The following STK32A variants were observed in gnomAD, a reference collection of about 807,000 sequenced individuals.
STK32A encodes serine/threonine-protein kinase 32A.
A neutral mutation model predicts 53.2 loss-of-function variants in STK32A; 41 were observed. That is an observed-to-expected ratio of 0.77 (90% CI 0.60 to 1.00). The LOEUF (loss-of-function observed/expected upper bound fraction) is 1.00, where lower values mean the gene tolerates loss of function less well. Ranked by LOEUF, STK32A falls within the 50% of genes least tolerant of loss-of-function variation. STK32A has a pLI of 0.00. For synonymous variants in STK32A, 166 were observed against 162.8 expected (o/e 1.02, Z -0.15); for missense variants, 458 against 485.8 (o/e 0.94, Z 0.54).
intron 5 of STK32A, among the ~76,000 whole-genome samples, chr5:147,331,450 T>C (rs1224813082): frequency 1.3e-5 from 2 of 152,204 alleles, no homozygotes; most frequent in Non-Finnish European, 2.9e-5. Flanking sequence ...ATAGACGCTC[T>C]TACTTTCACT....
At chr5:147,256,288 A>G (rs1247037165) in intron 2 of STK32A, among the ~76,000 whole-genome samples, 1 of 152,180 alleles carries the variant, frequency 6.6e-6, no homozygotes, top group Non-Finnish European at 1.5e-5. Context: ...CCTGCAGGGT[A>G]CCAGACTTCG....
At chr5:147,273,056 C>T (rs1330489074) in intron 2 of STK32A, among the ~76,000 whole-genome samples, 2 of 152,208 alleles carry the variant, frequency 1.3e-5, no homozygotes, top group African/African-American at 4.8e-5. Flanking sequence ...GGCATTCCTG[C>T]CTTACCTTCT....
chr5:147,370,579 C>T, intron 8 of STK32A, 75 bp from the exon 9 acceptor site: 1 of 912,716 alleles, frequency 1.1e-6, no homozygotes, highest in Non-Finnish European at 1.7e-6. Context: ...GAAAGTTTAG[C>T]TTGGAAACAT....
At position 147,314,517 on chromosome 5, in the gene STK32A, CA is replaced by C. The variant is rs775692160; in HGVS notation, c.261-9372del. Among the ~76,000 whole-genome samples the C allele has an allele frequency of 4.3e-3, 53 of 12,320 alleles. 2 individuals carry two copies. The highest frequency in any genetic ancestry group is 0.016 in the African/African-American group (51 of 3,230). The allele number at this position is 12,320 out of a possible 152,430, so 8.1% of individuals were successfully genotyped here. A position where few individuals can be genotyped will look rare whatever the true frequency, so the allele number is the denominator to read the frequency against. ...CCATATCAAAAAAAACAAAAAAAAA[CA>C]AAAAAAAACAAAAAAAAAAAAAGAA... On this transcript the variant is annotated intron_variant, in intron 4 of 12. Coordinates refer to ENST00000397936, the MANE Select transcript of STK32A (RefSeq NM_001112724.2).
intron 2 of STK32A, among the ~76,000 whole-genome samples, chr5:147,252,593 A>G (rs1219831879): frequency 6.6e-6 from 1 of 152,228 alleles, no homozygotes; most frequent in African/African-American, 2.4e-5. Context: ...AGTTAAAAGC[A>G]AGATTTACAA....
At chr5:147,323,447 T>C (rs1157013445) in intron 4 of STK32A, among the ~76,000 whole-genome samples, 1 of 152,218 alleles carries the variant, frequency 6.6e-6, no homozygotes, top group Non-Finnish European at 1.5e-5. Flanking sequence ...TGTTATAATG[T>C]TGCTGGGCAA....
At chr5:147,313,956 T>G (rs965835415) in intron 4 of STK32A, among the ~76,000 whole-genome samples, 2 of 152,212 alleles carry the variant, frequency 1.3e-5, no homozygotes, top group Non-Finnish European at 2.9e-5. Context: ...AAGAACTTAA[T>G]GTATAAAATT....
intron 1 of STK32A, among the ~76,000 whole-genome samples, chr5:147,239,252 T>TC (rs1753460022): frequency 6.6e-6 from 1 of 152,248 alleles, no homozygotes; most frequent in African/African-American, 2.4e-5. Flanking sequence ...TATTTTCATT[T>TC]TATAGTTGTT....
chr5:147,394,260 T>C, the STK32A span: 1 of 836,068 alleles, frequency 1.2e-6, no homozygotes, highest in East Asian at 2.7e-5. Flanking sequence ...CCCAAGAAAC[T>C]TCCATTCCAG....
chr5:147,268,950 C>T (rs1249998826), intron 2 of STK32A, among the ~76,000 whole-genome samples: 1 of 152,144 alleles, frequency 6.6e-6, no homozygotes, highest in South Asian at 2.1e-4. Context: ...GCTTATTCTA[C>T]TTTTTTGTGC....
chr5:147,307,487 G>T (rs1201328761), intron 4 of STK32A, among the ~76,000 whole-genome samples: 2 of 151,870 alleles, frequency 1.3e-5, no homozygotes, highest in Admixed American at 6.6e-5. Context: ...CGGGTGTAAT[G>T]GCACATGCCT....
chr5:147,337,897 T>C (rs1263079164), intron 5 of STK32A, among the ~76,000 whole-genome samples: 1 of 152,148 alleles, frequency 6.6e-6, no homozygotes, highest in African/African-American at 2.4e-5. Flanking sequence ...GGGGCTAGGC[T>C]GTAGTTATGA....
intron 4 of STK32A, among the ~76,000 whole-genome samples, chr5:147,280,636 G>A (rs984629258): frequency 6.6e-6 from 1 of 150,400 alleles, no homozygotes; most frequent in African/African-American, 2.5e-5. Flanking sequence ...GCAGCAGCAA[G>A]GCCCACCCAA....
intron 1 of STK32A, among the ~76,000 whole-genome samples, chr5:147,237,110 A>G (rs934896237): frequency 1.3e-5 from 2 of 152,092 alleles, no homozygotes; most frequent in African/African-American, 4.8e-5. Flanking sequence ...CAGGAGATCG[A>G]GACCATCCTG....
Position 147,279,366 on chromosome 5 carries a change from G to A in STK32A, c.228G>A (p.Gln76=), listed in dbSNP as rs901247823. The change falls in exon 4 of 13, where the codon CAG becomes CAA. Residue 76 remains glutamine (Q), a synonymous_variant. Coordinates refer to ENST00000397936, the MANE Select transcript of STK32A (RefSeq NM_001112724.2). ...RNVFKELQIM[Q]GLEHPFLVNL... ...TCTTCAAGGAACTCCAGATCATGCA[G>A]GGTCTGGAGCACCCTTTCCTGGTTA... 3 of 1,605,496 alleles carry A rather than the reference G, an allele frequency of 1.9e-6. No homozygotes were observed. The highest frequency in any genetic ancestry group is 1.7e-5 in the Admixed American group (1 of 58,404).
chr5:147,239,866 C>A, intron 2 of STK32A, 180 bp downstream of exon 2: 1 of 574,738 alleles, frequency 1.7e-6, no homozygotes, highest in Non-Finnish European at 3.1e-6. Flanking sequence ...CTTCCACTTT[C>A]CATGGGACCT....
At chr5:147,313,529 C>T (rs1433182471) in intron 4 of STK32A, among the ~76,000 whole-genome samples, 4 of 152,190 alleles carry the variant, frequency 2.6e-5, no homozygotes, top group Non-Finnish European at 4.4e-5. Flanking sequence ...ATCAAAATCT[C>T]AGCTGGCTTC....
intron 2 of STK32A, among the ~76,000 whole-genome samples, chr5:147,258,801 ACTTTT>A (rs1299053526): frequency 6.6e-6 from 1 of 152,120 alleles, no homozygotes; most frequent in Non-Finnish European, 1.5e-5. Flanking sequence ...TACACTGTTA[ACTTTT>A]AGCTAAATTT....
the STK32A span, chr5:147,393,905 A>C: frequency 4.5e-6 from 4 of 892,712 alleles, no homozygotes; most frequent in Non-Finnish European, 7.0e-6. Flanking sequence ...GAGAAACATA[A>C]GGCTTGAGGC....
Sources: allele counts gnomAD v4.1 joint callset (sites outside exome capture counted in the v4.1 genomes callset), GRCh38; gene constraint gnomAD v4.1.1; transcripts MANE v1.5; gene names NCBI Gene and HGNC (gene_info 2026-07-23, HGNC 2026-07-21).